Variants in ZNF335 observed in about 807,000 individuals in gnomAD.
ZNF335 encodes the protein NRC-interacting factor 1.
A neutral mutation model predicts 145.6 loss-of-function variants in ZNF335; 84 were observed. The observed-to-expected ratio is 0.58, with a 90% CI of 0.48 to 0.69. The LOEUF (loss-of-function observed/expected upper bound fraction) is 0.69. ZNF335 is among the 30% of genes least tolerant of loss of function. The pLI, the probability that ZNF335 is intolerant of heterozygous loss-of-function variation, is 0.00. For missense variants in ZNF335, 1,865 were observed against 1,809.7 expected (o/e 1.03, Z -0.55); for synonymous variants, 761 against 717.0 (o/e 1.06, Z -0.98).
chr20:45,967,010 G>A (rs3092073), intron 6 of ZNF335: 78,025 of 177,494 alleles, frequency 0.44, 17,406 homozygotes, highest in South Asian at 0.49. Flanking sequence ...TACCACAACA[G>A]GCTAATTTTT....
intron 9 of ZNF335, among the ~76,000 whole-genome samples, chr20:45,962,800 C>CGTTTT (rs1568821061): frequency 8.6e-6 from 1 of 116,550 alleles, no homozygotes; most frequent in African/African-American, 3.5e-5. Flanking sequence ...AAAAAGGAAC[C>CGTTTT]GTTTTTTTTT....
chr20:45,965,403 T>G (rs2083932677), intron 7 of ZNF335, among the ~76,000 whole-genome samples: 1 of 152,158 alleles, frequency 6.6e-6, no homozygotes, highest in African/African-American at 2.4e-5. Context: ...TATGACAAAT[T>G]GTGGTGAAAG....
chr20:45,969,830 GGA>G (rs2084027223), intron 2 of ZNF335, 139 bp from the exon 3 acceptor site: 1 of 1,193,404 alleles, frequency 8.4e-7, no homozygotes, highest in Admixed American at 2.7e-5. Context: ...TCAGCCCCAC[GGA>G]GGACCAGTGA....
Position 45,963,867 on chromosome 20 carries a change from G to C in ZNF335, c.1226C>G (p.Thr409Ser). 1 of 1,610,086 alleles carries C rather than the reference G, an allele frequency of 6.2e-7. No individual in the cohort carries two copies. Among genetic ancestry groups the C allele is most frequent in the Non-Finnish European group, 8.5e-7 (1 of 1,177,474 alleles). ...HLVAMGKVSR[T>S]PVEAGVSQSD... Reference sequence around the variant, plus strand: ...CTGGCTCACACCAGCTTCCACAGGGGTCCTGCTCACCTTGCCCATGGCCAC... The same window carrying C: ...CTGGCTCACACCAGCTTCCACAGGGCTCCTGCTCACCTTGCCCATGGCCAC... The change falls in exon 8 of 28, where the codon ACC becomes AGC. Residue 409 changes from threonine to serine, a missense_variant. By Grantham distance (58) the Thr-to-Ser change is moderately conservative. Coordinates refer to ENST00000322927, the MANE Select transcript of ZNF335 (RefSeq NM_022095.4).
intron 20 of ZNF335, among the ~76,000 whole-genome samples, chr20:45,950,855 G>GTGTT (rs2083618178): frequency 6.6e-6 from 1 of 151,934 alleles, no homozygotes; most frequent in Non-Finnish European, 1.5e-5. Flanking sequence ...TGTAACACAG[G>GTGTT]TGTTAGATGA....
intron 6 of ZNF335, among the ~76,000 whole-genome samples, chr20:45,966,303 C>A (rs182364642): frequency 6.6e-6 from 1 of 151,784 alleles, no homozygotes; most frequent in Admixed American, 6.6e-5. Context: ...TGGTCTCGAT[C>A]TCCTGACCTT....
chr20:45,964,625 C>G (rs2083915165), intron 7 of ZNF335: 1 of 152,274 alleles, frequency 6.6e-6, no homozygotes, highest in Non-Finnish European at 1.5e-5. Context: ...CTGGGTTATA[C>G]AGGTGCTTGG....
At position 45,952,685 on chromosome 20, in the gene ZNF335, G is replaced by T. The variant is rs766568959; in HGVS notation, c.2727C>A (p.Ala909=). Residue 909 remains alanine (A), a synonymous_variant, in exon 19 of 28, where the codon GCC becomes GCA. Coordinates refer to ENST00000322927, the MANE Select transcript of ZNF335 (RefSeq NM_022095.4). The part of the protein sequence containing the change: ...PYSEEPAGEA[A]QAVVVSDTLK... ...GGGTGTCACTCACAACCACAGCCTG[G>T]GCTGCCTCTCCTGCGGGCTCCTCGC... The T allele has an allele frequency of 1.9e-6, 3 of 1,613,616 alleles. No homozygotes were observed. In the East Asian group the frequency reaches 6.7e-5, roughly 36 times the overall value.
Position 45,952,443 on chromosome 20 carries a change from C to A in ZNF335, c.2893G>T (p.Gly965Trp). ...TCAGGGCCGTCTCTGGGCAGTCCCC[C>A]ACACTGCAGCAGGGGCCATTTGGCA... ...SGAKWPLLQC[G>W]GLPRDGPEPP... is the part of the protein sequence containing the mutation. The change falls in exon 20 of 28, where the codon GGG becomes TGG. Residue 965 changes from glycine to tryptophan, a missense_variant. Coordinates refer to ENST00000322927, the MANE Select transcript of ZNF335 (RefSeq NM_022095.4). The A allele has an allele frequency of 4.5e-6, 7 of 1,567,970 alleles. No individual in the cohort carries two copies. Among genetic ancestry groups the A allele is most frequent in the Non-Finnish European group, 3.5e-6 (4 of 1,154,078 alleles).
At chr20:45,954,093 T>G in intron 17 of ZNF335, 145 bp from the exon 18 acceptor site, 1 of 1,056,032 alleles carries the variant, frequency 9.5e-7, no homozygotes, top group Non-Finnish European at 1.3e-6. Context: ...ATAGCCCAAG[T>G]TCTTTCTAAA....
Position 45,971,348 on chromosome 20 carries a change from C to G in ZNF335, c.63G>C (p.Glu21Asp). The G allele has an allele frequency of 6.3e-7, 1 of 1,599,838 alleles. No individual in the cohort carries two copies. Among genetic ancestry groups the G allele is most frequent in the Non-Finnish European group, 8.5e-7 (1 of 1,179,448 alleles). Residue 21 changes from glutamate (E) to aspartate (D), a missense_variant, in exon 2 of 28, where the codon GAG becomes GAC. Transcript: ENST00000322927. ...CCACACCCAGGCCGCTCTCAGAGGG[C>G]TCCTCGGGCCGGCCAGGCCCAGGGG... ...DAAPGPGRPEEPSESGLGVGT... is the reference protein window; with the variant it reads ...DAAPGPGRPEDPSESGLGVGT...
At chr20:45,959,551 G>C in intron 14 of ZNF335, 118 bp from the exon 15 acceptor site, 1 of 731,450 alleles carries the variant, frequency 1.4e-6, no homozygotes, top group Non-Finnish European at 2.0e-6. Context: ...ATTCATTCCC[G>C]TATGTAGGCA....
At chr20:45,971,130 A>C in intron 2 of ZNF335, 80 bp downstream of exon 2, 3 of 1,442,634 alleles carry the variant, frequency 2.1e-6, no homozygotes, top group Non-Finnish European at 2.7e-6. Context: ...AGCTACAAAC[A>C]AGCCTTGTTT....
chr20:45,956,633 A>G (rs2083733724), intron 17 of ZNF335, among the ~76,000 whole-genome samples: 1 of 152,178 alleles, frequency 6.6e-6, no homozygotes, highest in South Asian at 2.1e-4. Flanking sequence ...ACTCAAGTCT[A>G]GAAACAGACT....
intron 2 of ZNF335, chr20:45,970,020 T>C (rs1436100006): frequency 4.2e-6 from 1 of 239,008 alleles, no homozygotes; most frequent in Non-Finnish European, 8.2e-6. Flanking sequence ...CATCACCCTA[T>C]GGCTAAATCT....
chr20:45,971,168 G>T, intron 2 of ZNF335, 42 bp downstream of exon 2: 1 of 1,475,148 alleles, frequency 6.8e-7, no homozygotes. Context: ...ACTGCTGCTC[G>T]CGGTCCTTGC....
chr20:45,967,425 A>T, intron 6 of ZNF335, 69 bp downstream of exon 6: 1 of 1,613,006 alleles, frequency 6.2e-7, no homozygotes, highest in Non-Finnish European at 8.5e-7. Flanking sequence ...CTGGCCCTCC[A>T]AGTGAAAGCT....
intron 6 of ZNF335, among the ~76,000 whole-genome samples, chr20:45,966,627 T>C (rs1472130598): frequency 6.6e-6 from 1 of 150,798 alleles, no homozygotes; most frequent in East Asian, 2.0e-4. Flanking sequence ...CTCAACTCAC[T>C]GCAACCTCTA....
In ZNF335 at chr20:45,950,387, A is replaced by G. The variant is rs1353719276; in HGVS notation, c.3333-14T>C. On this transcript the variant is annotated splice_polypyrimidine_tract_variant and intron_variant, in intron 21 of 27. Transcript: ENST00000322927. The stretch of plus-strand genomic sequence containing the variant: ...TTACGGTTGAAACTGAGGGGGATGA[A>G]AGGTGGCTCAGGTTAGCTCCACCAT... The G allele has an allele frequency of 1.9e-6, 3 of 1,606,434 alleles. No individual in the cohort carries two copies. The African/African-American group carries it at 4.0e-5, about 21-fold the overall frequency.
Sources: gnomAD v4.1 joint callset for allele counts (sites outside exome capture counted in the v4.1 genomes callset) on GRCh38, gnomAD v4.1.1 for gene constraint, MANE v1.5 for transcripts, NCBI Gene and HGNC (gene_info 2026-07-23, HGNC 2026-07-21) for gene names.